The following AUTS2 variants were observed in gnomAD, a reference collection of about 807,000 sequenced individuals.
AUTS2 encodes autism susceptibility gene 2 protein.
In AUTS2, 17 loss-of-function variants were observed where a neutral mutation model predicts 112.4. The ratio of observed to expected loss-of-function variants is 0.15; its 90% confidence interval spans 0.10 to 0.23. The LOEUF (loss-of-function observed/expected upper bound fraction) is 0.23. Ranked by LOEUF, AUTS2 falls within the 10% of genes least tolerant of loss-of-function variation. The pLI is 1.00. For missense variants in AUTS2, 1,510 were observed against 1,701.6 expected (o/e 0.89, Z 1.98); for synonymous variants, 751 against 702.7 (o/e 1.07, Z -1.09).
chr7:70,474,707 A>G (rs1169022480), intron 5 of AUTS2, among the ~76,000 whole-genome samples: 5 of 152,208 alleles, frequency 3.3e-5, no homozygotes, highest in Admixed American at 6.5e-5. Flanking sequence ...GTTGTTCACC[A>G]TCATGATTTT....
chr7:70,110,559 T>C (rs987179277), intron 2 of AUTS2, among the ~76,000 whole-genome samples: 1 of 152,134 alleles, frequency 6.6e-6, no homozygotes, highest in South Asian at 2.1e-4. Context: ...AATTATTAAC[T>C]TAGTTTTTCT....
chr7:69,988,396 C>T (rs889200727), intron 2 of AUTS2, among the ~76,000 whole-genome samples: 2 of 152,176 alleles, frequency 1.3e-5, no homozygotes, highest in Non-Finnish European at 2.9e-5. Flanking sequence ...CCTCTCAGTA[C>T]ATCACATTGT....
chr7:70,443,213 G>A (rs951981321), intron 5 of AUTS2, among the ~76,000 whole-genome samples: 3 of 152,136 alleles, frequency 2.0e-5, no homozygotes, highest in African/African-American at 7.2e-5. Flanking sequence ...TTTCAGCTAA[G>A]GTTTTGTTTC....
At chr7:70,458,490 C>T (rs535328871) in intron 5 of AUTS2, among the ~76,000 whole-genome samples, 1 of 152,292 alleles carries the variant, frequency 6.6e-6, no homozygotes, top group African/African-American at 2.4e-5. Flanking sequence ...AGCTGACTCT[C>T]TTGTCTATTA....
chr7:70,127,061 A>G (rs1806013320), intron 3 of AUTS2, among the ~76,000 whole-genome samples: 2 of 152,122 alleles, frequency 1.3e-5, no homozygotes, highest in Non-Finnish European at 2.9e-5. Context: ...TCCTGACCTC[A>G]GGCAATCCAC....
intron 5 of AUTS2, among the ~76,000 whole-genome samples, chr7:70,680,775 A>G (rs973257849): frequency 2.0e-5 from 3 of 152,204 alleles, no homozygotes; most frequent in African/African-American, 7.2e-5. Context: ...CTACCAGCCA[A>G]CAACTGTATT....
In AUTS2 at chr7:70,339,811, T is replaced by C. The variant is rs564038974; in HGVS notation, c.661-95941T>C. 9.9e-5 allele frequency among the ~76,000 whole-genome samples: 15 copies of C among 152,280 alleles called. No homozygotes were observed. The East Asian group carries it at 2.5e-3, about 25-fold the overall frequency. The stretch of plus-strand genomic sequence containing the variant: ...TTGACATAAAGTAAGTATTAGACTT[T>C]AGACTGTCACAGGAATAACCATTCA... On this transcript the variant is annotated intron_variant, in intron 4 of 18. Coordinates refer to ENST00000342771, the MANE Select transcript of AUTS2 (RefSeq NM_015570.4).
intron 4 of AUTS2, among the ~76,000 whole-genome samples, chr7:70,251,720 T>G (rs1174412616): frequency 6.6e-6 from 1 of 152,190 alleles, no homozygotes; most frequent in Non-Finnish European, 1.5e-5. Flanking sequence ...TCTTCACCAG[T>G]ACCTAATCTA....
chr7:69,813,780 T>G (rs1790644923), intron 1 of AUTS2, among the ~76,000 whole-genome samples: 1 of 152,250 alleles, frequency 6.6e-6, no homozygotes, highest in Non-Finnish European at 1.5e-5. Context: ...TTAAAGCACC[T>G]AGCCCTGTGC....
rs563450821 is a variant in AUTS2, at chr7:70,457,464, A to C, written c.690+21683A>C. ...GAGGAACAGTGCCTCTCACCTGAGG[A>C]GGGAACTTCTCTGAATCCACCAGGA... On this transcript the variant is annotated intron_variant, in intron 5 of 18. Transcript: ENST00000342771. 4.6e-5 allele frequency among the ~76,000 whole-genome samples: 7 copies of C among 152,288 alleles called. No individual in the cohort carries two copies. The East Asian group carries it at 1.2e-3, about 25-fold the overall frequency.
At chr7:70,342,342 G>C (rs1380885312) in intron 4 of AUTS2, among the ~76,000 whole-genome samples, 1 of 151,186 alleles carries the variant, frequency 6.6e-6, no homozygotes, top group Non-Finnish European at 1.5e-5. Flanking sequence ...TTTTTGCGGG[G>C]GGGAAGTCGC....
intron 1 of AUTS2, among the ~76,000 whole-genome samples, chr7:69,742,091 T>A (rs1787292003): frequency 6.6e-6 from 1 of 150,626 alleles, no homozygotes; most frequent in Non-Finnish European, 1.5e-5. Flanking sequence ...CATAAGCCAC[T>A]GGTGCCCAGC....
chr7:70,181,996 C>T (rs1013063163), intron 4 of AUTS2, among the ~76,000 whole-genome samples: 4 of 150,076 alleles, frequency 2.7e-5, no homozygotes, highest in African/African-American at 9.8e-5. Context: ...GACGGTATTT[C>T]ATCGTGTTAG....
In AUTS2 at chr7:69,718,554, C is replaced by T. The variant is rs191718132; in HGVS notation, c.309+118592C>T. Among the ~76,000 whole-genome samples, 234 of 152,294 alleles carry T rather than the reference C, an allele frequency of 1.5e-3. 1 individual carries two copies. The highest frequency in any genetic ancestry group is 5.4e-3 in the African/African-American group (224 of 41,572). On this transcript the variant is annotated intron_variant, in intron 1 of 18. Coordinates refer to ENST00000342771, the MANE Select transcript of AUTS2 (RefSeq NM_015570.4). ...TCTTTGTTTCTCTTTTCCATAGTTA[C>T]ATCTTCCTCTTCCACTTTTAAGAAC...
At chr7:70,288,198 G>A (rs1022551280) in intron 4 of AUTS2, among the ~76,000 whole-genome samples, 4 of 152,084 alleles carry the variant, frequency 2.6e-5, no homozygotes, top group African/African-American at 9.7e-5. Flanking sequence ...GGATCACGAG[G>A]TCAGGATATT....
intron 4 of AUTS2, among the ~76,000 whole-genome samples, chr7:70,233,006 C>G (rs1812140090): frequency 2.6e-5 from 4 of 152,208 alleles, no homozygotes; most frequent in Admixed American, 2.6e-4. Flanking sequence ...CTATGCAATT[C>G]ACATATTAGT....
chr7:70,297,530 C>T (rs946714026), intron 4 of AUTS2, among the ~76,000 whole-genome samples: 4 of 151,458 alleles, frequency 2.6e-5, no homozygotes, highest in African/African-American at 7.3e-5. Flanking sequence ...CCCGGGTTCA[C>T]GCCATTCTCC....
chr7:70,410,397 CT>C (rs1554394734), intron 4 of AUTS2, among the ~76,000 whole-genome samples: 1 of 123,248 alleles, frequency 8.1e-6, no homozygotes, highest in Admixed American at 8.7e-5. Context: ...GAGGGTTTGT[CT>C]TTTATTTATT....
chr7:70,320,826 T>C (rs944321786), intron 4 of AUTS2, among the ~76,000 whole-genome samples: 1 of 152,184 alleles, frequency 6.6e-6, no homozygotes, highest in African/African-American at 2.4e-5. Flanking sequence ...AGGGAGAGGC[T>C]GTGCGTTGAT....
Sources: gnomAD v4.1 joint callset for allele counts (sites outside exome capture counted in the v4.1 genomes callset) on GRCh38, gnomAD v4.1.1 for gene constraint, MANE v1.5 for transcripts, NCBI Gene and HGNC (gene_info 2026-07-23, HGNC 2026-07-21) for gene names.